Variants in POU6F2 observed in about 807,000 individuals in gnomAD.
The protein encoded by POU6F2 is POU domain, class 6, transcription factor 2.
POU6F2 carries 31 observed loss-of-function variants against 71.3 expected under a neutral mutation model. The ratio of observed to expected loss-of-function variants is 0.43; its 90% CI spans 0.33 to 0.59. The LOEUF (loss-of-function observed/expected upper bound fraction) is 0.59, where lower values mean the gene tolerates loss of function less well. POU6F2 is among the 20% of genes least tolerant of loss of function. The pLI, the probability that POU6F2 is intolerant of heterozygous loss-of-function variation, is 0.04. For synonymous variants in POU6F2, 347 were observed against 355.7 expected, an observed-to-expected ratio of 0.98 and a Z score of 0.27; for missense variants, 783 against 856.8, an observed-to-expected ratio of 0.91 and a Z score of 1.07.
intron 4 of POU6F2, among the ~76,000 whole-genome samples, chr7:39,338,234 G>A (rs1785823203): frequency 6.6e-6 from 1 of 152,184 alleles, no homozygotes. Context: ...GATCTAGGGA[G>A]GTCAGAATAG....
chr7:39,327,317 C>G (rs1013731507), intron 4 of POU6F2, among the ~76,000 whole-genome samples: 1 of 151,852 alleles, frequency 6.6e-6, no homozygotes, highest in African/African-American at 2.4e-5. Flanking sequence ...CACATACCCA[C>G]TTAACACATA....
intron 2 of POU6F2, among the ~76,000 whole-genome samples, chr7:39,088,382 T>G (rs907428395): frequency 1.3e-5 from 2 of 152,196 alleles, no homozygotes; most frequent in Non-Finnish European, 2.9e-5. Context: ...GACTAAAACT[T>G]TCCAGAATAA....
chr7:39,207,607 G>T lies in POU6F2; in HGVS notation c.585G>T (p.Leu195=), dbSNP rs1294523115. Residue 195 remains leucine, a synonymous_variant, in exon 4 of 10, where the codon CTG becomes CTT. Transcript: ENST00000518318. ...AAAGGIMTLP[L]QNLQATSSLN... ...CCGGAGGCATTATGACTCTGCCACT[G>T]CAAAATCTACAAGGTAATCCATAAT... 1 of 1,613,486 alleles carries T rather than the reference G, an allele frequency of 6.2e-7. No homozygotes were observed. Among genetic ancestry groups the T allele is most frequent in the Non-Finnish European group, 8.5e-7 (1 of 1,179,652 alleles).
chr7:39,356,959 A>G (rs1346886009), intron 5 of POU6F2, among the ~76,000 whole-genome samples: 2 of 152,192 alleles, frequency 1.3e-5, no homozygotes, highest in African/African-American at 4.8e-5. Context: ...TCATTTTCTA[A>G]TTAATCTGTT....
chr7:39,211,389 T>A (rs1349284150), intron 4 of POU6F2, among the ~76,000 whole-genome samples: 1 of 152,118 alleles, frequency 6.6e-6, no homozygotes, highest in Non-Finnish European at 1.5e-5. Context: ...TGTGGGAACG[T>A]TTTTGCTTCT....
intron 1 of POU6F2, among the ~76,000 whole-genome samples, chr7:38,982,517 A>G (rs1010820611): frequency 6.6e-6 from 1 of 152,136 alleles, no homozygotes; most frequent in Non-Finnish European, 1.5e-5. Flanking sequence ...ACTTATAGGA[A>G]AGTCTTATGT....
In POU6F2 at chr7:39,060,578, T is replaced by A. The variant is rs376153484; in HGVS notation, c.106-25282T>A. Among the ~76,000 whole-genome samples the A allele has an allele frequency of 1.1e-4, 17 of 152,332 alleles. No homozygotes were observed. The South Asian group carries it at 3.5e-3, about 32-fold the overall frequency. On this transcript the variant is annotated intron_variant, in intron 1 of 9. Transcript: ENST00000518318. ...AGTCCACCTATGTATTGTCCGAGTATGAGAGAAACGTTCACTACCTTCAAG... is the reference window on the plus strand; with the variant it reads ...AGTCCACCTATGTATTGTCCGAGTAAGAGAGAAACGTTCACTACCTTCAAG...
At chr7:39,212,473 C>T (rs1794160051) in intron 4 of POU6F2, among the ~76,000 whole-genome samples, 1 of 152,142 alleles carries the variant, frequency 6.6e-6, no homozygotes, top group Non-Finnish European at 1.5e-5. Context: ...ATGACCTCCT[C>T]CTCAAAGCCC....
intron 4 of POU6F2, among the ~76,000 whole-genome samples, chr7:39,235,230 C>T (rs985096985): frequency 5.9e-5 from 9 of 152,250 alleles, no homozygotes; most frequent in African/African-American, 1.9e-4. Context: ...CCCAGATCTA[C>T]AGCCACTCAT....
intron 1 of POU6F2, among the ~76,000 whole-genome samples, chr7:38,979,254 C>A (rs1286285206): frequency 1.3e-5 from 2 of 151,866 alleles, no homozygotes; most frequent in African/African-American, 4.8e-5. Flanking sequence ...AAGGCAATGA[C>A]ATAAAATTTG....
At chr7:39,362,769 AG>A (rs1786416747) in intron 5 of POU6F2, among the ~76,000 whole-genome samples, 1 of 152,170 alleles carries the variant, frequency 6.6e-6, no homozygotes, top group South Asian at 2.1e-4. Context: ...GTGCTAGAGT[AG>A]GGGGTTACTC....
chr7:39,171,110 G>A (rs904332061), intron 2 of POU6F2, among the ~76,000 whole-genome samples: 2 of 144,892 alleles, frequency 1.4e-5, no homozygotes, highest in Non-Finnish European at 3.0e-5. Context: ...TGCCATGGTG[G>A]TTTGCTGCAC....
At chr7:39,251,292 C>A (rs144384130) in intron 4 of POU6F2, among the ~76,000 whole-genome samples, 1 of 152,232 alleles carries the variant, frequency 6.6e-6, no homozygotes, top group Non-Finnish European at 1.5e-5. Flanking sequence ...GAGAATTATT[C>A]TTTTTATTTC....
At chr7:39,074,480 C>T (rs574855281) in intron 1 of POU6F2, among the ~76,000 whole-genome samples, 3 of 150,846 alleles carry the variant, frequency 2.0e-5, no homozygotes, top group South Asian at 2.1e-4. Context: ...ACTTGTCCCC[C>T]CCTCAAAAAA....
At chr7:39,414,473 G>A (rs955086437) in intron 6 of POU6F2, among the ~76,000 whole-genome samples, 5 of 152,188 alleles carry the variant, frequency 3.3e-5, no homozygotes, top group Non-Finnish European at 7.3e-5. Flanking sequence ...GTGGAGTGAA[G>A]GGCGGAAGTG....
chr7:39,195,922 C>T (rs1311627926), intron 2 of POU6F2, among the ~76,000 whole-genome samples: 9 of 152,156 alleles, frequency 5.9e-5, no homozygotes, highest in East Asian at 3.9e-4. Flanking sequence ...CCAAAACGCT[C>T]TTCTCTCTCT....
chr7:39,225,981 A>T (rs528904904), intron 4 of POU6F2, among the ~76,000 whole-genome samples: 72 of 150,526 alleles, frequency 4.8e-4, no homozygotes, highest in East Asian at 4.5e-3. Context: ...GTTTTTTTTT[A>T]AAAAAAACCA....
At chr7:38,999,024 A>G (rs1306703193) in intron 1 of POU6F2, among the ~76,000 whole-genome samples, 4 of 152,104 alleles carry the variant, frequency 2.6e-5, no homozygotes, top group African/African-American at 9.7e-5. Flanking sequence ...AAGAAAGAGT[A>G]GACCAACAAT....
chr7:39,394,002 C>A (rs182031160), intron 5 of POU6F2, among the ~76,000 whole-genome samples: 1 of 152,286 alleles, frequency 6.6e-6, no homozygotes, highest in East Asian at 1.9e-4. Flanking sequence ...AGAAAAGACA[C>A]AATATTCTGG....
Sources: gnomAD v4.1 joint callset for allele counts (sites outside exome capture counted in the v4.1 genomes callset) on GRCh38, gnomAD v4.1.1 for gene constraint, MANE v1.5 for transcripts, NCBI Gene and HGNC (gene_info 2026-07-23, HGNC 2026-07-21) for gene names.